MIPOL1: variants seen among roughly 807,000 people sequenced by gnomAD.
MIPOL1 encodes mirror-image polydactyly 1.
A neutral mutation model predicts 60.9 loss-of-function variants in MIPOL1; 57 were observed. The observed-to-expected ratio is 0.94, with a 90% CI of 0.76 to 1.17. The LOEUF (loss-of-function observed/expected upper bound fraction) is 1.17. Ranked by LOEUF, MIPOL1 falls within the 50% of genes most tolerant of loss-of-function variation. The pLI is 0.00. For synonymous variants in MIPOL1, 179 were observed against 168.8 expected (o/e 1.06, Z -0.47); for missense variants, 551 against 511.6 (o/e 1.08, Z -0.74).
intron 9 of MIPOL1, among the ~76,000 whole-genome samples, chr14:37,312,231 A>G (rs1393933790): frequency 6.6e-6 from 1 of 151,904 alleles, no homozygotes; most frequent in African/African-American, 2.4e-5. Flanking sequence ...CCTCAACCTC[A>G]CAAGTAGCTG....
chr14:37,374,634 A>G (rs1169698061), intron 10 of MIPOL1, among the ~76,000 whole-genome samples: 2 of 152,114 alleles, frequency 1.3e-5, no homozygotes, highest in Non-Finnish European at 2.9e-5. Flanking sequence ...CCATTTATTA[A>G]ATAGGGAATC....
chr14:37,492,713 ATCT>A (rs1331922266), intron 11 of MIPOL1, among the ~76,000 whole-genome samples: 1 of 152,080 alleles, frequency 6.6e-6, no homozygotes, highest in Non-Finnish European at 1.5e-5. Flanking sequence ...TTGAATCTTT[ATCT>A]TCTAAGTTCA....
At chr14:37,459,676 A>G (rs2094517541) in intron 11 of MIPOL1, among the ~76,000 whole-genome samples, 1 of 152,208 alleles carries the variant, frequency 6.6e-6, no homozygotes, top group Non-Finnish European at 1.5e-5. Flanking sequence ...CTATGAAACC[A>G]TCATCACCCT....
chr14:37,545,846 C>G, intron 12 of MIPOL1: 1 of 419,800 alleles, frequency 2.4e-6, no homozygotes, highest in South Asian at 5.4e-5. Context: ...AGAGGACCCT[C>G]ATGCATGGAT....
At chr14:37,419,159 C>T (rs1474295645) in intron 10 of MIPOL1, among the ~76,000 whole-genome samples, 3 of 152,068 alleles carry the variant, frequency 2.0e-5, no homozygotes, top group African/African-American at 7.2e-5. Context: ...GAATACTACT[C>T]AGTGGTATAA....
chr14:37,325,543 C>T (rs1429358951), intron 9 of MIPOL1, among the ~76,000 whole-genome samples: 2 of 150,182 alleles, frequency 1.3e-5, no homozygotes, highest in Non-Finnish European at 3.0e-5. Flanking sequence ...TCCTTTTTCT[C>T]CTCCTCTACC....
chr14:37,254,121 T>C (rs1364229900), intron 3 of MIPOL1, among the ~76,000 whole-genome samples: 1 of 151,776 alleles, frequency 6.6e-6, no homozygotes, highest in African/African-American at 2.4e-5. Context: ...CAGCAAGGAT[T>C]GATTCATTTC....
intron 9 of MIPOL1, among the ~76,000 whole-genome samples, chr14:37,344,252 C>G (rs933672008): frequency 3.9e-5 from 6 of 151,988 alleles, no homozygotes; most frequent in African/African-American, 9.7e-5. Context: ...CAAATTGACT[C>G]TTAACTGTCT....
chr14:37,334,325 G>A (rs1202372510), intron 9 of MIPOL1, among the ~76,000 whole-genome samples: 2 of 151,724 alleles, frequency 1.3e-5, no homozygotes, highest in Non-Finnish European at 2.9e-5. Flanking sequence ...ATGAGACCTC[G>A]ACTGTTCAGA....
chr14:37,302,887 G>A (rs912293799), intron 7 of MIPOL1, among the ~76,000 whole-genome samples: 4 of 151,608 alleles, frequency 2.6e-5, no homozygotes, highest in East Asian at 1.9e-4. Flanking sequence ...TTACAGAATT[G>A]TTTTGGCTAT....
intron 1 of MIPOL1, among the ~76,000 whole-genome samples, chr14:37,201,788 A>G (rs531036414): frequency 7.2e-5 from 11 of 152,118 alleles, no homozygotes; most frequent in African/African-American, 1.9e-4. Context: ...TCAGCCCACC[A>G]TCCATGTTAA....
intron 12 of MIPOL1, among the ~76,000 whole-genome samples, chr14:37,500,783 G>A (rs898906099): frequency 1.3e-5 from 2 of 152,138 alleles, no homozygotes; most frequent in Non-Finnish European, 2.9e-5. Context: ...GAACATTGTA[G>A]CAGAATTTTC....
At chr14:37,431,866 T>G (rs1055960097) in intron 11 of MIPOL1, among the ~76,000 whole-genome samples, 2 of 152,072 alleles carry the variant, frequency 1.3e-5, no homozygotes, top group African/African-American at 4.8e-5. Context: ...ATTACAGGCG[T>G]GAGCCACTAC....
intron 9 of MIPOL1, among the ~76,000 whole-genome samples, chr14:37,330,332 A>G (rs909534325): frequency 6.6e-6 from 1 of 152,138 alleles, no homozygotes; most frequent in African/African-American, 2.4e-5. Context: ...TAATTCAGCT[A>G]CTATAATTGT....
intron 12 of MIPOL1, among the ~76,000 whole-genome samples, chr14:37,537,636 AT>A (rs1352813272): frequency 2.0e-5 from 3 of 152,196 alleles, no homozygotes; most frequent in Non-Finnish European, 2.9e-5. Context: ...AAAAATATGT[AT>A]TTTTAATAAG....
chr14:37,300,362 C>T (rs2086264101), intron 7 of MIPOL1, among the ~76,000 whole-genome samples: 1 of 143,242 alleles, frequency 7.0e-6, no homozygotes, highest in South Asian at 2.4e-4. Context: ...AGTATGGATT[C>T]ATAGATGTTC....
intron 7 of MIPOL1, among the ~76,000 whole-genome samples, chr14:37,296,999 C>A (rs1297788160): frequency 6.6e-6 from 1 of 151,924 alleles, no homozygotes; most frequent in African/African-American, 2.4e-5. Context: ...AGAGACACAA[C>A]AAAAAAAGAG....
chr14:37,479,088 T>G (rs918312338), intron 11 of MIPOL1, among the ~76,000 whole-genome samples: 3 of 152,150 alleles, frequency 2.0e-5, no homozygotes, highest in African/African-American at 7.2e-5. Context: ...TTTATTTTTT[T>G]TTGTTTCCAG....
chr14:37,490,391 G>T (rs1049177009), intron 11 of MIPOL1, among the ~76,000 whole-genome samples: 3 of 152,152 alleles, frequency 2.0e-5, no homozygotes, highest in African/African-American at 7.2e-5. Flanking sequence ...GCTGGGCTCC[G>T]TGGGGGTGTG....
Sources: gnomAD v4.1 joint callset for allele counts (sites outside exome capture counted in the v4.1 genomes callset) on GRCh38, gnomAD v4.1.1 for gene constraint, MANE v1.5 for transcripts, NCBI Gene and HGNC (gene_info 2026-07-23, HGNC 2026-07-21) for gene names.